CSMD1: variants seen among roughly 807,000 people sequenced by gnomAD.
CSMD1 encodes the protein CUB and sushi domain-containing protein 1.
A neutral mutation model predicts 417.5 loss-of-function variants in CSMD1; 213 were observed. The ratio of observed to expected loss-of-function variants is 0.51; its 90% CI spans 0.46 to 0.57. CSMD1 has a LOEUF of 0.57. Among genes scored for constraint, CSMD1 ranks in the 20% least tolerant of loss-of-function variants. The pLI is 0.00. For missense variants in CSMD1, 6,923 were observed against 4,529.7 expected, an observed-to-expected ratio of 1.53 and a Z score of -15.17; for synonymous variants, 2,862 against 1,736.8, an observed-to-expected ratio of 1.65 and a Z score of -16.11.
In CSMD1 at chr8:4,079,223, A is replaced by T. The variant is rs147531229; in HGVS notation, c.416-47124T>A. Among the ~76,000 whole-genome samples, 355 of 152,256 alleles carry T rather than the reference A, an allele frequency of 2.3e-3. 3 individuals are homozygous for T. Among genetic ancestry groups the T allele is most frequent in the African/African-American group, 8.0e-3 (334 of 41,542 alleles). On this transcript the variant is annotated intron_variant, in intron 3 of 69. Coordinates refer to ENST00000635120, the MANE Select transcript of CSMD1 (RefSeq NM_033225.6). ...AGAGACATGCCCACTGTTTGGTGGG[A>T]AACAACTGAATGAGTAGATATAGCC...
At chr8:3,363,213 C>A (rs935695460) in intron 20 of CSMD1, among the ~76,000 whole-genome samples, 1 of 152,154 alleles carries the variant, frequency 6.6e-6, no homozygotes, top group African/African-American at 2.4e-5. Context: ...TGTCAGAGAC[C>A]TGCCTAGGCA....
chr8:3,664,801 C>A (rs1291683986), intron 7 of CSMD1, among the ~76,000 whole-genome samples: 1 of 152,162 alleles, frequency 6.6e-6, no homozygotes, highest in Non-Finnish European at 1.5e-5. Flanking sequence ...GTACACAAAG[C>A]TATCAAGAGA....
chr8:3,722,921 G>GTC (rs986823452), intron 6 of CSMD1, among the ~76,000 whole-genome samples: 2 of 152,074 alleles, frequency 1.3e-5, no homozygotes, highest in Non-Finnish European at 2.9e-5. Context: ...TATTGTGTGT[G>GTC]TGCCAGTTTT....
Position 2,975,856 on chromosome 8 carries a change from C to T in CSMD1, c.8567-1232G>A, listed in dbSNP as rs555515274. Among the ~76,000 whole-genome samples the T allele has an allele frequency of 2.2e-4, 33 of 152,142 alleles. No homozygotes were observed. In the East Asian group the frequency reaches 3.3e-3, roughly 15 times the overall value. On this transcript the variant is annotated intron_variant, in intron 55 of 69. Coordinates refer to ENST00000635120, the MANE Select transcript of CSMD1 (RefSeq NM_033225.6). ...ACCAAGCGGAGTGAACTGGCCACCCCGGAAAAGGAGAGCCAGCTAAACCCC... is the reference window on the plus strand; with the variant it reads ...ACCAAGCGGAGTGAACTGGCCACCCTGGAAAAGGAGAGCCAGCTAAACCCC...
At chr8:3,391,884 A>C (rs1450445390) in intron 17 of CSMD1, among the ~76,000 whole-genome samples, 9 of 152,190 alleles carry the variant, frequency 5.9e-5, no homozygotes, top group African/African-American at 2.2e-4. Flanking sequence ...TGAAACATGT[A>C]TGATGAAACA....
intron 4 of CSMD1, among the ~76,000 whole-genome samples, 191 bp from the exon 5 acceptor site, chr8:3,998,301 A>G (rs1213106178): frequency 6.6e-6 from 1 of 152,192 alleles, no homozygotes; most frequent in African/African-American, 2.4e-5. Context: ...TCTAACATTT[A>G]AATTATCTTA....
chr8:3,158,514 T>C (rs936725292), intron 38 of CSMD1, among the ~76,000 whole-genome samples: 10 of 151,778 alleles, frequency 6.6e-5, no homozygotes, highest in African/African-American at 2.4e-4. Flanking sequence ...TCACTAGACA[T>C]CCTCACACAT....
chr8:4,333,254 A>G (rs1482659414), intron 3 of CSMD1, among the ~76,000 whole-genome samples: 1 of 152,142 alleles, frequency 6.6e-6, no homozygotes, highest in African/African-American at 2.4e-5. Flanking sequence ...ACACAATTCT[A>G]TTAAAGCCAA....
At chr8:3,769,002 A>G (rs1584968407) in intron 5 of CSMD1, among the ~76,000 whole-genome samples, 1 of 152,242 alleles carries the variant, frequency 6.6e-6, no homozygotes, top group African/African-American at 2.4e-5. Flanking sequence ...GCAGGCCCAC[A>G]GCACACCTGG....
At chr8:3,739,762 C>T (rs1018836398) in intron 6 of CSMD1, among the ~76,000 whole-genome samples, 1 of 149,382 alleles carries the variant, frequency 6.7e-6, no homozygotes, top group African/African-American at 2.5e-5. Context: ...GCAACAGATG[C>T]TACAGTCAGC....
At chr8:3,724,591 G>A (rs1459019061) in intron 6 of CSMD1, among the ~76,000 whole-genome samples, 1 of 152,114 alleles carries the variant, frequency 6.6e-6, no homozygotes, top group South Asian at 2.1e-4. Context: ...AGGAATTAGG[G>A]AGGGGGAATG....
At chr8:4,891,005 C>T (rs1442388590) in intron 1 of CSMD1, among the ~76,000 whole-genome samples, 3 of 152,094 alleles carry the variant, frequency 2.0e-5, no homozygotes, top group Non-Finnish European at 4.4e-5. Flanking sequence ...CAATCAAGAC[C>T]TCTCCAAATA....
intron 8 of CSMD1, among the ~76,000 whole-genome samples, chr8:3,606,981 A>G (rs1292172888): frequency 2.0e-5 from 3 of 152,162 alleles, no homozygotes; most frequent in African/African-American, 7.2e-5. Context: ...AAGTGCTGGC[A>G]TTACAAGCGT....
chr8:3,772,225 A>G (rs1798617113), intron 5 of CSMD1, among the ~76,000 whole-genome samples: 1 of 145,352 alleles, frequency 6.9e-6, no homozygotes, highest in African/African-American at 2.5e-5. Flanking sequence ...CATATAATAC[A>G]CACACATATT....
chr8:3,539,277 T>G (rs972602724), intron 10 of CSMD1, among the ~76,000 whole-genome samples: 1 of 152,228 alleles, frequency 6.6e-6, no homozygotes, highest in African/African-American at 2.4e-5. Context: ...TTAGATTAAA[T>G]GGTTGTCTTC....
rs554452620 is a variant in CSMD1, at chr8:4,854,606, G to C, written c.85+139726C>G. 2.4e-4 allele frequency among the ~76,000 whole-genome samples: 37 copies of C among 152,234 alleles called. No individual in the cohort carries two copies. In the South Asian group the frequency reaches 4.4e-3, roughly 18 times the overall value. On this transcript the variant is annotated intron_variant, in intron 1 of 69. Coordinates refer to ENST00000635120, the MANE Select transcript of CSMD1 (RefSeq NM_033225.6). ...CGAGGCATTGCCTCACTTGGGAAGC[G>C]GAAGGGGTCAGGGAGTTCCCTTTCT...
intron 17 of CSMD1, among the ~76,000 whole-genome samples, chr8:3,392,606 G>A (rs1264709311): frequency 2.0e-5 from 3 of 152,030 alleles, no homozygotes; most frequent in Non-Finnish European, 4.4e-5. Flanking sequence ...CCCGGGATCT[G>A]CGTCTGCCTT....
chr8:4,313,537 A>C (rs544798051), intron 3 of CSMD1, among the ~76,000 whole-genome samples: 2 of 151,068 alleles, frequency 1.3e-5, no homozygotes, highest in East Asian at 3.9e-4. Context: ...CGCGTAGGTC[A>C]CATCAGGAGG....
At chr8:3,832,616 T>C (rs1479697770) in intron 5 of CSMD1, among the ~76,000 whole-genome samples, 1 of 152,120 alleles carries the variant, frequency 6.6e-6, no homozygotes, top group African/African-American at 2.4e-5. Context: ...ATGGCATGGG[T>C]TCTTGAAGGA....
Sources: gnomAD v4.1 joint callset for allele counts (sites outside exome capture counted in the v4.1 genomes callset) on GRCh38, gnomAD v4.1.1 for gene constraint, MANE v1.5 for transcripts, NCBI Gene and HGNC (gene_info 2026-07-23, HGNC 2026-07-21) for gene names.